GEMIN7: variants seen among roughly 807,000 people sequenced by gnomAD.
GEMIN7 encodes the protein gem-associated protein 7.
GEMIN7 carries 7 observed loss-of-function variants against 7.8 expected under a neutral mutation model. That is an observed-to-expected ratio of 0.90 (90% CI 0.51 to 1.69). GEMIN7 has a LOEUF of 1.69. GEMIN7 is among the 40% of genes most tolerant of loss of function. The probability of loss-of-function intolerance (pLI) is 0.00; values close to 1 mark genes in which losing one functional copy is unlikely to be tolerated. For missense variants in GEMIN7, 159 were observed against 176.2 expected, an observed-to-expected ratio of 0.90 and a Z score of 0.55; for synonymous variants, 68 against 72.4, an observed-to-expected ratio of 0.94 and a Z score of 0.31.
At chr19:45,078,907 G>C (rs1967410560), upstream of GEMIN7, among the ~76,000 whole-genome samples, 1 of 152,204 alleles carries the variant, frequency 6.6e-6, no homozygotes, top group African/African-American at 2.4e-5. Context: ...AGAGGAGCGG[G>C]GGTTCCCACT....
At chr19:45,089,177 A>G (rs1256353051) in intron 2 of GEMIN7, among the ~76,000 whole-genome samples, 1 of 152,110 alleles carries the variant, frequency 6.6e-6, no homozygotes, top group Non-Finnish European at 1.5e-5. Context: ...CCTGACCTCA[A>G]GTGATTCGCC....
rs1044977194 is a variant in GEMIN7, at chr19:45,087,927, A to G, written c.-8-2180A>G. Among the ~76,000 whole-genome samples the G allele has an allele frequency of 1.7e-4, 25 of 149,458 alleles. 1 individual carries two copies. Among genetic ancestry groups the G allele is most frequent in the African/African-American group, 5.4e-4 (22 of 40,426 alleles). ...AATAAATAAATATGTGTGTGTGTGT[A>G]TATATAGATATATAATTTTTTTTTT... On this transcript the variant is annotated intron_variant, in intron 2 of 2. Coordinates refer to ENST00000270257, the MANE Select transcript of GEMIN7 (RefSeq NM_024707.3).
chr19:45,079,847 A>G (rs1967439826), intron 1 of GEMIN7, 60 bp from the exon 2 acceptor site: 1 of 152,212 alleles, frequency 6.6e-6, no homozygotes, highest in Non-Finnish European at 1.5e-5. Context: ...TCAGCAGCCG[A>G]TGATGTCTGT....
At chr19:45,078,864 G>A (rs904781110), upstream of GEMIN7, among the ~76,000 whole-genome samples, 5 of 152,138 alleles carry the variant, frequency 3.3e-5, no homozygotes, top group Non-Finnish European at 7.3e-5. Context: ...CTTAGTATGC[G>A]GCATCTGAAA....
At chr19:45,077,509 T>C (rs192227022), upstream of GEMIN7, among the ~76,000 whole-genome samples, 561 of 152,278 alleles carry the variant, frequency 3.7e-3, 3 homozygotes, top group African/African-American at 0.012. Context: ...GAACGGCTTG[T>C]GGACTGTCCT....
intron 1 of GEMIN7, among the ~76,000 whole-genome samples, chr19:45,079,614 G>A (rs538782625): frequency 6.6e-6 from 1 of 152,396 alleles, no homozygotes; most frequent in Non-Finnish European, 1.5e-5. Context: ...GTCTGAGCCT[G>A]GAGGTGGGAA....
intron 2 of GEMIN7, among the ~76,000 whole-genome samples, chr19:45,087,039 G>A (rs1025923619): frequency 5.1e-4 from 78 of 152,074 alleles, no homozygotes; most frequent in African/African-American, 1.8e-3. Flanking sequence ...TAGAGACGGG[G>A]TTTCACCATG....
At chr19:45,080,436 C>T (rs961704325) in intron 2 of GEMIN7, among the ~76,000 whole-genome samples, 21 of 149,360 alleles carry the variant, frequency 1.4e-4, no homozygotes, top group Admixed American at 4.7e-4. Context: ...GGTGCAGAGG[C>T]GTGATCTCCG....
upstream of GEMIN7, among the ~76,000 whole-genome samples, chr19:45,077,973 T>C (rs188073097): frequency 6.6e-6 from 1 of 152,182 alleles, no homozygotes; most frequent in Non-Finnish European, 1.5e-5. Context: ...GAAGCGCTCC[T>C]CCTGCTTCAG....
upstream of GEMIN7, chr19:45,076,430 G>GC: frequency 8.4e-7 from 1 of 1,190,942 alleles, no homozygotes; most frequent in Non-Finnish European, 1.0e-6. This position sits in a 1 kb window ranked among gnomAD's most constrained non-coding sequence, Gnocchi z 4.9. Flanking sequence ...GCGGGCGGAG[G>GC]ACGCACGAGC....
intron 2 of GEMIN7, among the ~76,000 whole-genome samples, chr19:45,080,771 T>TG (rs1310266698): frequency 9.3e-5 from 14 of 150,086 alleles, no homozygotes; most frequent in African/African-American, 2.9e-4. Context: ...TTTTGTTTTT[T>TG]TTTTTTTTTT....
intron 2 of GEMIN7, among the ~76,000 whole-genome samples, chr19:45,087,156 G>A (rs1967721362): frequency 6.7e-6 from 1 of 148,782 alleles, no homozygotes; most frequent in Admixed American, 6.7e-5. Context: ...ATGTTTGTTT[G>A]TTTTTGAGAT....
At position 45,090,368 on chromosome 19, in the gene GEMIN7, G is replaced by A. The variant is rs758275299; in HGVS notation, c.254G>A (p.Gly85Asp). 1 of 1,614,168 alleles carries A rather than the reference G, an allele frequency of 6.2e-7. No individual in the cohort carries two copies. The highest frequency in any genetic ancestry group is 1.1e-5 in the South Asian group (1 of 91,088). ...CAGGTGAGCTTCACGTTGCACGAGG[G>A]TGTGCGTGTGGCCGCCCACTTTGGA... ...GHQVSFTLHE[G>D]VRVAAHFGAT... The change falls in exon 3 of 3, where the codon GGT (glycine) becomes GAT (aspartate). Residue 85 changes from glycine to aspartate, a missense_variant. Physicochemically the swap from Gly to Asp is moderately conservative, Grantham distance 94. Transcript: ENST00000270257.
At chr19:45,077,897 A>C (rs756599538), upstream of GEMIN7, among the ~76,000 whole-genome samples, 3 of 151,892 alleles carry the variant, frequency 2.0e-5, no homozygotes, top group Non-Finnish European at 4.4e-5. Flanking sequence ...TTTTTCAAAA[A>C]AAATTATTTT....
intron 2 of GEMIN7, among the ~76,000 whole-genome samples, chr19:45,080,461 C>T (rs868644111): frequency 5.3e-5 from 8 of 151,828 alleles, no homozygotes; most frequent in African/African-American, 1.9e-4. Flanking sequence ...CTGCAACCTC[C>T]GTCTCCCTGG....
At chr19:45,085,824 G>GT (rs1305661087) in intron 2 of GEMIN7, among the ~76,000 whole-genome samples, 1 of 147,292 alleles carries the variant, frequency 6.8e-6, no homozygotes, top group African/African-American at 2.5e-5. Flanking sequence ...GTGTGTGTCT[G>GT]TAGTCGCAGC....
chr19:45,084,545 G>C (rs1384011638), intron 2 of GEMIN7, among the ~76,000 whole-genome samples: 1 of 151,998 alleles, frequency 6.6e-6, no homozygotes, highest in African/African-American at 2.4e-5. Context: ...TGGGATTACA[G>C]GTGTGTGCCA....
At chr19:45,078,861 T>G (rs1010671485), upstream of GEMIN7, among the ~76,000 whole-genome samples, 17 of 152,302 alleles carry the variant, frequency 1.1e-4, no homozygotes, top group African/African-American at 3.8e-4. Context: ...TTTCTTAGTA[T>G]GCGGCATCTG....
At chr19:45,085,547 T>A (rs1568431561) in intron 2 of GEMIN7, 1 of 152,376 alleles carries the variant, frequency 6.6e-6, no homozygotes, top group East Asian at 1.9e-4. Flanking sequence ...GTCAATAGTG[T>A]CCAGACTGAG....
Sources: allele counts gnomAD v4.1 joint callset (sites outside exome capture counted in the v4.1 genomes callset), GRCh38; gene constraint gnomAD v4.1.1; non-coding constraint Gnocchi (gnomAD v3.1); transcripts MANE v1.5; gene names NCBI Gene and HGNC (gene_info 2026-07-23, HGNC 2026-07-21).